ADGRL3: variants seen among roughly 807,000 people sequenced by gnomAD.
ADGRL3 encodes calcium-independent alpha-latrotoxin receptor 3.
Under a neutral mutation model 153.5 loss-of-function variants are expected in ADGRL3, and 62 were observed. The ratio of observed to expected loss-of-function variants is 0.40; its 90% CI spans 0.33 to 0.50. The LOEUF (loss-of-function observed/expected upper bound fraction) is 0.50. Among genes scored for constraint, ADGRL3 ranks in the 20% least tolerant of loss-of-function variants. ADGRL3 has a pLI of 0.47. For synonymous variants in ADGRL3, 710 were observed against 672.5 expected (o/e 1.06, Z -0.86); for missense variants, 1,641 against 1,859.4 (o/e 0.88, Z 2.16).
At chr4:61,909,334 G>A (rs947415819) in intron 11 of ADGRL3, among the ~76,000 whole-genome samples, 2 of 152,132 alleles carry the variant, frequency 1.3e-5, no homozygotes, top group Non-Finnish European at 2.9e-5. Context: ...TTCAAAGTAA[G>A]TTTCCTCAGG....
At chr4:61,958,195 A>C (rs559085958) in intron 17 of ADGRL3, among the ~76,000 whole-genome samples, 26 of 152,112 alleles carry the variant, frequency 1.7e-4, no homozygotes, top group Middle Eastern at 3.4e-3. Flanking sequence ...CTTGTTTGCA[A>C]CCCCAGTGCC....
chr4:61,622,434 A>G (rs575740616), intron 5 of ADGRL3, among the ~76,000 whole-genome samples: 2 of 152,308 alleles, frequency 1.3e-5, no homozygotes, highest in African/African-American at 2.4e-5. Context: ...TAACATTCTC[A>G]TCATTGCCTC....
chr4:61,502,795 T>C (rs2098400810), intron 3 of ADGRL3, among the ~76,000 whole-genome samples: 1 of 152,208 alleles, frequency 6.6e-6, no homozygotes. Context: ...TTTTATCATA[T>C]AATTCTTTCT....
chr4:61,430,732 G>A (rs1008334680), intron 2 of ADGRL3, among the ~76,000 whole-genome samples: 1 of 152,024 alleles, frequency 6.6e-6, no homozygotes, highest in Non-Finnish European at 1.5e-5. Context: ...GTTTCTCATT[G>A]CCCCTTATAT....
intron 4 of ADGRL3, among the ~76,000 whole-genome samples, chr4:61,538,142 A>G (rs2098668476): frequency 6.6e-6 from 1 of 152,166 alleles, no homozygotes; most frequent in African/African-American, 2.4e-5. Flanking sequence ...AAATAAAAAA[A>G]TAAAATAAAA....
At chr4:61,236,009 T>TTTC (rs67000329) in intron 1 of ADGRL3, among the ~76,000 whole-genome samples, 3 of 696 alleles carry the variant, frequency 4.3e-3, no homozygotes, top group African/African-American at 0.022. Flanking sequence ...TTTTCTTTTC[T>TTTC]TTTTTTTTTT....
chr4:61,789,881 A>G (rs1219761104), intron 8 of ADGRL3, among the ~76,000 whole-genome samples: 2 of 152,220 alleles, frequency 1.3e-5, no homozygotes, highest in East Asian at 3.8e-4. Context: ...ATACAAATGC[A>G]TGAATGAGCC....
chr4:61,823,738 G>A (rs547219293), intron 9 of ADGRL3, among the ~76,000 whole-genome samples: 12 of 152,052 alleles, frequency 7.9e-5, no homozygotes, highest in African/African-American at 2.4e-4. Flanking sequence ...AAGGAACTAC[G>A]ACTTAGTGCC....
intron 17 of ADGRL3, among the ~76,000 whole-genome samples, chr4:61,972,674 G>T (rs1410734042): frequency 2.0e-5 from 3 of 152,098 alleles, no homozygotes; most frequent in Non-Finnish European, 4.4e-5. Flanking sequence ...CTTTAAAGTA[G>T]TTTTTTCCAA....
intron 3 of ADGRL3, among the ~76,000 whole-genome samples, chr4:61,498,346 C>T (rs975378764): frequency 2.6e-5 from 4 of 152,010 alleles, no homozygotes; most frequent in African/African-American, 9.7e-5. Flanking sequence ...GTCAAGAGAT[C>T]GAGACCATCC....
intron 5 of ADGRL3, among the ~76,000 whole-genome samples, chr4:61,657,342 C>T (rs1222302256): frequency 6.6e-6 from 1 of 152,068 alleles, no homozygotes; most frequent in Admixed American, 6.6e-5. Flanking sequence ...TCATATCCCC[C>T]AAGAGCCCCA....
intron 4 of ADGRL3, among the ~76,000 whole-genome samples, chr4:61,541,842 TACACACACACACACACACACAC>T (rs3075148): frequency 6.8e-6 from 1 of 146,478 alleles, no homozygotes; most frequent in Non-Finnish European, 1.5e-5. Context: ...TGTGTGTGTA[TACACACACACACACACACACAC>T]ACACACACAC....
intron 17 of ADGRL3, among the ~76,000 whole-genome samples, chr4:61,972,722 G>A (rs1581696646): frequency 6.6e-6 from 1 of 152,022 alleles, no homozygotes; most frequent in Admixed American, 6.6e-5. Context: ...GATGGGGATG[G>A]CATTGAATCT....
chr4:61,833,273 A>G (rs2097894442), intron 9 of ADGRL3, among the ~76,000 whole-genome samples: 1 of 152,164 alleles, frequency 6.6e-6, no homozygotes, highest in Non-Finnish European at 1.5e-5. Flanking sequence ...AAAAATGTGT[A>G]AAGGTGAACA....
At chr4:61,720,025 TCTGAAAAGAGA>T (rs200815606) in intron 6 of ADGRL3, among the ~76,000 whole-genome samples, 2,625 of 151,880 alleles carry the variant, frequency 0.017, 49 homozygotes, top group Middle Eastern at 0.072. Flanking sequence ...AGCAATGTAA[TCTGAAAAGAGA>T]TCTTAAATAG....
In ADGRL3 at chr4:61,547,964, G is replaced by T. The variant is rs535808079; in HGVS notation, c.259+30446G>T. On this transcript the variant is annotated intron_variant, in intron 4 of 26. Coordinates refer to ENST00000683033, the MANE Select transcript of ADGRL3 (RefSeq NM_001387552.1). ...TAGCCATTCTTACTGGTGTAAGAAGGTGGTTTTGATTTGCATTTCTCTGAT... is the reference window on the plus strand; with the variant it reads ...TAGCCATTCTTACTGGTGTAAGAAGTTGGTTTTGATTTGCATTTCTCTGAT... Among the ~76,000 whole-genome samples the T allele has an allele frequency of 5.9e-5, 9 of 152,076 alleles. 1 individual carries two copies. Among genetic ancestry groups the T allele is most frequent in the Admixed American group, 3.9e-4 (6 of 15,274 alleles).
At chr4:61,891,368 G>T (rs1400457290) in intron 9 of ADGRL3, among the ~76,000 whole-genome samples, 1 of 152,044 alleles carries the variant, frequency 6.6e-6, no homozygotes, top group Non-Finnish European at 1.5e-5. Context: ...CCATTCATAT[G>T]GAAAGGGACC....
chr4:61,322,305 G>A (rs888976047), intron 1 of ADGRL3, among the ~76,000 whole-genome samples: 5 of 152,172 alleles, frequency 3.3e-5, no homozygotes, highest in African/African-American at 9.7e-5. Flanking sequence ...TGAGATTTGT[G>A]TGGGGACACA....
At chr4:61,881,472 A>AGGCTCAAGCAATTCTCCT (rs1304085584) in intron 9 of ADGRL3, among the ~76,000 whole-genome samples, 3 of 152,134 alleles carry the variant, frequency 2.0e-5, no homozygotes, top group African/African-American at 7.2e-5. Flanking sequence ...TCCGCCTCCC[A>AGGCTCAAGCAATTCTCCT]GGCTCAAGCA....
Sources: allele counts gnomAD v4.1 joint callset (sites outside exome capture counted in the v4.1 genomes callset), GRCh38; gene constraint gnomAD v4.1.1; transcripts MANE v1.5; gene names NCBI Gene and HGNC (gene_info 2026-07-23, HGNC 2026-07-21).